COL19A1: variants seen among roughly 807,000 people sequenced by gnomAD.
The protein encoded by COL19A1 is collagen type XIX alpha 1 chain.
A neutral mutation model predicts 190.2 loss-of-function variants in COL19A1; 159 were observed. The ratio of observed to expected loss-of-function variants is 0.84; its 90% CI spans 0.73 to 0.95. The LOEUF is 0.95. Ranked by LOEUF, COL19A1 falls within the 40% of genes least tolerant of loss-of-function variation. The probability of loss-of-function intolerance (pLI) is 0.00; values close to 1 mark genes in which losing one functional copy is unlikely to be tolerated. For missense variants in COL19A1, 1,418 were observed against 1,431.9 expected (o/e 0.99, Z 0.16); for synonymous variants, 509 against 458.9 (o/e 1.11, Z -1.39).
intron 42 of COL19A1, among the ~76,000 whole-genome samples, chr6:70,177,530 A>C (rs769626006): frequency 6.6e-6 from 1 of 152,220 alleles, no homozygotes; most frequent in Non-Finnish European, 1.5e-5. Context: ...AGATGATGAC[A>C]TTCCCTTACT....
intron 11 of COL19A1, among the ~76,000 whole-genome samples, chr6:69,969,468 G>A (rs552035358): frequency 5.9e-5 from 9 of 151,854 alleles, no homozygotes; most frequent in East Asian, 1.9e-4. Flanking sequence ...CTGTGTTATC[G>A]GCAGGTTGTG....
intron 35 of COL19A1, among the ~76,000 whole-genome samples, chr6:70,162,369 G>A (rs1787863693): frequency 6.6e-6 from 1 of 151,998 alleles, no homozygotes; most frequent in Admixed American, 6.6e-5. Context: ...TTGTTCCTAT[G>A]TATAAAATAA....
At position 69,879,545 on chromosome 6, in the gene COL19A1, C is replaced by T. The variant is rs1048580446; in HGVS notation, c.-23C>T. 14 of 1,606,172 alleles carry T rather than the reference C, an allele frequency of 8.7e-6. No homozygotes were observed. Among genetic ancestry groups the T allele is most frequent in the South Asian group, 6.6e-5 (6 of 90,484 alleles). On this transcript the variant is annotated 5_prime_UTR_variant, in exon 2 of 51. Coordinates refer to ENST00000620364, the MANE Select transcript of COL19A1 (RefSeq NM_001858.6). ...TTTTTTTCTGTTGCAGATCCGTGGC[C>T]GTTCACATGGTTTCAAGGCACAATG...
rs377013235 is a variant in COL19A1, at chr6:70,040,158, C to CA, written c.1170+4227dup. On this transcript the variant is annotated intron_variant, in intron 14 of 50. Transcript: ENST00000620364. ...TTTTAATCACATAGAACCAGTTCAT[C>CA]AAAAAAAATCTGATATGTAAAACCA... 3.8e-4 allele frequency among the ~76,000 whole-genome samples: 58 copies of CA among 151,522 alleles called. 1 individual carries two copies. Among genetic ancestry groups the CA allele is most frequent in the African/African-American group, 1.1e-3 (45 of 41,340 alleles).
chr6:70,125,006 T>A (rs1222782772), intron 17 of COL19A1, among the ~76,000 whole-genome samples: 1 of 152,134 alleles, frequency 6.6e-6, no homozygotes, highest in Admixed American at 6.5e-5. Flanking sequence ...CTCAGCTTCA[T>A]AAGGGAAAAG....
intron 14 of COL19A1, among the ~76,000 whole-genome samples, chr6:70,063,142 C>G (rs146195020): frequency 0.013 from 1,991 of 152,262 alleles, 44 homozygotes; most frequent in African/African-American, 0.046. Context: ...TAATACACAT[C>G]TACAGAACTC....
chr6:69,880,155 C>G (rs1293452577), intron 2 of COL19A1, among the ~76,000 whole-genome samples: 2 of 152,118 alleles, frequency 1.3e-5, no homozygotes, highest in Non-Finnish European at 2.9e-5. Flanking sequence ...TTTAGAGCAC[C>G]TTTTGAACTA....
chr6:70,025,667 ACT>A (rs1262764778), intron 12 of COL19A1, among the ~76,000 whole-genome samples: 1 of 152,026 alleles, frequency 6.6e-6, no homozygotes, highest in Non-Finnish European at 1.5e-5. Flanking sequence ...TTTCTATTAC[ACT>A]CTCCGTGAAA....
rs3840394 is a variant in COL19A1 at position 69,996,016 on chromosome 6, AGCAGGG to A, written c.1027-27607_1027-27602del. ...TCTTTTTGAGATCAGCTATTCAAAA[AGCAGGG>A]GCACTGGACTCTGAACACAAATTTA... On this transcript the variant is annotated intron_variant, in intron 11 of 50. Transcript: ENST00000620364. 5.5e-3 allele frequency among the ~76,000 whole-genome samples: 836 copies of A among 152,272 alleles called. 18 individuals carry two copies. The East Asian group carries it at 0.068, about 12-fold the overall frequency.
chr6:70,155,580 A>G (rs556377055), intron 31 of COL19A1, among the ~76,000 whole-genome samples: 1 of 152,324 alleles, frequency 6.6e-6, no homozygotes, highest in African/African-American at 2.4e-5. Context: ...AGTCAAGTTT[A>G]TGTCAGTCAA....
Position 70,207,363 on chromosome 6 carries a change from GCTT to G in COL19A1, c.*90_*92del. ...GTCAAACCCTCATCATCTGTGGGTT[GCTT>G]TTTTTTTTTTTTTTTTTTTTTGGGA... On this transcript the variant is annotated 3_prime_UTR_variant, in exon 51 of 51. Transcript: ENST00000620364. 5 of 409,310 alleles carry G rather than the reference GCTT, an allele frequency of 1.2e-5. No individual in the cohort carries two copies. The highest frequency in any genetic ancestry group is 1.6e-4 in the South Asian group (2 of 12,294). The allele number at this position is 409,310 out of a possible 1,614,324, so 25.4% of individuals were successfully genotyped here. A position where few individuals can be genotyped will look rare whatever the true frequency, so the allele number is the denominator to read the frequency against.
chr6:69,961,107 A>G (rs565527286), intron 10 of COL19A1, among the ~76,000 whole-genome samples: 1 of 152,202 alleles, frequency 6.6e-6, no homozygotes, highest in South Asian at 2.1e-4. Flanking sequence ...TTGATGTAAT[A>G]TTAGATGCCC....
At chr6:69,952,469 T>G (rs1774182045) in intron 9 of COL19A1, among the ~76,000 whole-genome samples, 1 of 151,368 alleles carries the variant, frequency 6.6e-6, no homozygotes, top group Non-Finnish European at 1.5e-5. Flanking sequence ...TTTAACTTAG[T>G]ACCATGGCTT....
chr6:70,112,865 C>T (rs1455631588), intron 16 of COL19A1, among the ~76,000 whole-genome samples: 1 of 152,170 alleles, frequency 6.6e-6, no homozygotes, highest in East Asian at 1.9e-4. Flanking sequence ...CTTGAGTTCC[C>T]TCAATTACAC....
intron 4 of COL19A1, among the ~76,000 whole-genome samples, chr6:69,924,538 T>C (rs1480238857): frequency 6.6e-6 from 1 of 152,210 alleles, no homozygotes; most frequent in Non-Finnish European, 1.5e-5. Flanking sequence ...GTCTTTGCTA[T>C]TGTGAATAGT....
intron 11 of COL19A1, among the ~76,000 whole-genome samples, chr6:69,995,049 C>T (rs539721321): frequency 1.6e-3 from 239 of 152,258 alleles, no homozygotes; most frequent in Middle Eastern, 3.4e-3. Flanking sequence ...CATACACACT[C>T]TCTCTTTCTT....
chr6:70,151,442 C>T lies in COL19A1; in HGVS notation c.2079+4C>T, dbSNP rs1583033853. 5 of 1,612,140 alleles carry T rather than the reference C, an allele frequency of 3.1e-6. No homozygotes were observed. The highest frequency in any genetic ancestry group is 4.2e-6 in the Non-Finnish European group (5 of 1,178,736). On this transcript the variant is annotated splice_donor_region_variant and intron_variant, in intron 31 of 50. Transcript: ENST00000620364. ...AGACATCGGTGCTTTGCTCAAGGTACTCTATTGCTATGTAAGAAATTATGT... is the reference window on the plus strand; with the variant it reads ...AGACATCGGTGCTTTGCTCAAGGTATTCTATTGCTATGTAAGAAATTATGT...
chr6:70,035,702 T>A (rs1022621014), intron 13 of COL19A1, among the ~76,000 whole-genome samples: 1 of 152,144 alleles, frequency 6.6e-6, no homozygotes, highest in Non-Finnish European at 1.5e-5. Flanking sequence ...AAGCATAGAG[T>A]ATACAAGGTG....
intron 16 of COL19A1, among the ~76,000 whole-genome samples, chr6:70,106,963 A>G (rs1784013469): frequency 6.6e-6 from 1 of 152,238 alleles, no homozygotes; most frequent in Non-Finnish European, 1.5e-5. Context: ...GAAGCAGACC[A>G]GGAGAATGTA....
Sources: allele counts gnomAD v4.1 joint callset (sites outside exome capture counted in the v4.1 genomes callset), GRCh38; gene constraint gnomAD v4.1.1; transcripts MANE v1.5; gene names NCBI Gene and HGNC (gene_info 2026-07-23, HGNC 2026-07-21).